The following COX7B2 variants were observed in gnomAD, a reference collection of about 807,000 sequenced individuals.
COX7B2 encodes cytochrome c oxidase subunit 7B2.
For synonymous variants in COX7B2, 37 were observed against 32.1 expected (o/e 1.15, Z -0.51); for missense variants, 109 against 95.9 (o/e 1.14, Z -0.57).
chr4:46,769,344 T>C (rs957935505), intron 2 of COX7B2, among the ~76,000 whole-genome samples: 11 of 151,916 alleles, frequency 7.2e-5, no homozygotes, highest in Non-Finnish European at 1.3e-4. Context: ...CAAAACAAGT[T>C]AAAAAGAACA....
intron 1 of COX7B2, among the ~76,000 whole-genome samples, chr4:46,904,231 T>C (rs1356166157): frequency 1.3e-5 from 2 of 152,144 alleles, no homozygotes; most frequent in Admixed American, 6.5e-5. Context: ...AATTGTACTA[T>C]ATTAAAAGAA....
At chr4:46,907,848 C>CTTTTTTTTGTTTTTTTTTTTTTT (rs1720494663) in intron 1 of COX7B2, among the ~76,000 whole-genome samples, 1 of 59,730 alleles carries the variant, frequency 1.7e-5, no homozygotes, top group Non-Finnish European at 3.1e-5. Context: ...TTTGAGCAGA[C>CTTTTTTTTGTTTTTTTTTTTTTT]TTTTTTTTTT....
intron 2 of COX7B2, among the ~76,000 whole-genome samples, chr4:46,823,085 T>C (rs978188003): frequency 2.0e-5 from 3 of 152,004 alleles, no homozygotes; most frequent in Non-Finnish European, 2.9e-5. Context: ...GATATAGGTG[T>C]GTTCTGTTTT....
At chr4:46,741,816 A>G (rs1040943217) in intron 2 of COX7B2, among the ~76,000 whole-genome samples, 1 of 152,112 alleles carries the variant, frequency 6.6e-6, no homozygotes, top group African/African-American at 2.4e-5. Context: ...CCTGGGCTCA[A>G]TTTCAAATGT....
intron 1 of COX7B2, among the ~76,000 whole-genome samples, chr4:46,889,309 A>G (rs1377148718): frequency 6.6e-6 from 1 of 152,154 alleles, no homozygotes; most frequent in Non-Finnish European, 1.5e-5. Flanking sequence ...GTCCTACAAT[A>G]AGCCTGTCAC....
chr4:46,877,664 C>T (rs1413712063), intron 1 of COX7B2, among the ~76,000 whole-genome samples: 1 of 152,116 alleles, frequency 6.6e-6, no homozygotes, highest in Non-Finnish European at 1.5e-5. Flanking sequence ...CAAATCAAAA[C>T]CACTGTGATA....
At chr4:46,797,211 G>T (rs955510677) in intron 2 of COX7B2, among the ~76,000 whole-genome samples, 2 of 150,878 alleles carry the variant, frequency 1.3e-5, no homozygotes, top group African/African-American at 4.9e-5. Flanking sequence ...TTCCCAAAGG[G>T]ATCTATAGCC....
At chr4:46,838,369 A>G (rs900676639) in intron 2 of COX7B2, among the ~76,000 whole-genome samples, 1 of 152,112 alleles carries the variant, frequency 6.6e-6, no homozygotes, top group Non-Finnish European at 1.5e-5. Context: ...TATAATATAT[A>G]TATTTCAGAA....
chr4:46,901,921 G>C (rs1004235150), intron 1 of COX7B2, among the ~76,000 whole-genome samples: 1 of 152,194 alleles, frequency 6.6e-6, no homozygotes, highest in Non-Finnish European at 1.5e-5. Flanking sequence ...TAAGGAGTCC[G>C]TCTGAATAAC....
chr4:46,875,068 C>T (rs1176090396), intron 1 of COX7B2, among the ~76,000 whole-genome samples: 1 of 152,124 alleles, frequency 6.6e-6, no homozygotes, highest in Non-Finnish European at 1.5e-5. Flanking sequence ...TTATCTAGAA[C>T]AAACATCTGC....
At chr4:46,757,607 G>A (rs1051785880) in intron 2 of COX7B2, among the ~76,000 whole-genome samples, 5 of 151,778 alleles carry the variant, frequency 3.3e-5, no homozygotes, top group African/African-American at 1.2e-4. Flanking sequence ...ATATTCTCTC[G>A]AGCCAAACTG....
chr4:46,839,507 C>CACAAGGTAGGTG (rs1715781121), intron 2 of COX7B2, among the ~76,000 whole-genome samples: 1 of 151,952 alleles, frequency 6.6e-6, no homozygotes, highest in Non-Finnish European at 1.5e-5. Flanking sequence ...GTAAGGCCGA[C>CACAAGGTAGGTG]ACAAGTAGGT....
At chr4:46,843,883 A>G (rs905471481) in intron 2 of COX7B2, among the ~76,000 whole-genome samples, 1 of 152,006 alleles carries the variant, frequency 6.6e-6, no homozygotes, top group Non-Finnish European at 1.5e-5. Flanking sequence ...AAAAAGTTAC[A>G]AAACAGGTAC....
chr4:46,800,550 T>C (rs1026281695), intron 2 of COX7B2, among the ~76,000 whole-genome samples: 2 of 152,160 alleles, frequency 1.3e-5, no homozygotes, highest in African/African-American at 4.8e-5. Context: ...TGGCTAGCCA[T>C]ATGCAGAAGA....
At chr4:46,880,775 T>C (rs1718667525) in intron 1 of COX7B2, among the ~76,000 whole-genome samples, 1 of 139,430 alleles carries the variant, frequency 7.2e-6, no homozygotes, top group South Asian at 2.2e-4. Flanking sequence ...TTCTCACTCA[T>C]AGGTGGGAAT....
At chr4:46,736,097 A>G (rs1714346224) in intron 2 of COX7B2, among the ~76,000 whole-genome samples, 1 of 152,228 alleles carries the variant, frequency 6.6e-6, no homozygotes, top group South Asian at 2.1e-4. Flanking sequence ...TAACAAATGT[A>G]TAATGACATG....
chr4:46,870,369 GC>G (rs1008872952), intron 1 of COX7B2, among the ~76,000 whole-genome samples: 7 of 151,948 alleles, frequency 4.6e-5, no homozygotes, highest in Non-Finnish European at 1.0e-4. Flanking sequence ...CAAGCCCACA[GC>G]CAACATTATA....
chr4:46,786,041 TTC>T (rs1717738350), intron 2 of COX7B2, among the ~76,000 whole-genome samples: 1 of 152,186 alleles, frequency 6.6e-6, no homozygotes, highest in African/African-American at 2.4e-5. Context: ...TTCAAAATAG[TTC>T]TTTTTGCTTT....
chr4:46,815,155 G>A (rs1023223468), intron 2 of COX7B2, among the ~76,000 whole-genome samples: 11 of 148,046 alleles, frequency 7.4e-5, no homozygotes, highest in African/African-American at 2.5e-4. Flanking sequence ...CAGCCTAGGC[G>A]ACAGATCGAG....
Sources: gnomAD v4.1 joint callset for allele counts (sites outside exome capture counted in the v4.1 genomes callset) on GRCh38, gnomAD v4.1.1 for gene constraint, MANE v1.5 for transcripts, NCBI Gene and HGNC (gene_info 2026-07-23, HGNC 2026-07-21) for gene names.